SRD5A2: variants seen among roughly 807,000 people sequenced by gnomAD.
The protein encoded by SRD5A2 is 3-oxo-5-alpha-steroid 4-dehydrogenase 2.
In SRD5A2, 30 loss-of-function variants were observed where a neutral mutation model predicts 27.4. That is an observed-to-expected ratio of 1.10 (90% CI 0.82 to 1.49). The LOEUF is 1.49. Ranked by LOEUF, SRD5A2 falls within the 40% of genes most tolerant of loss-of-function variation. The pLI is 0.00. For synonymous variants in SRD5A2, 141 were observed against 133.6 expected (o/e 1.06, Z -0.38); for missense variants, 348 against 323.4 (o/e 1.08, Z -0.58).
chr2:31,595,777 C>G, the SRD5A2 span, among the ~76,000 whole-genome samples: 3 of 152,066 alleles, frequency 2.0e-5, no homozygotes, highest in African/African-American at 7.2e-5. Context: ...ACTAATATTC[C>G]TGGTGAGCAT....
chr2:31,621,691 C>G, the SRD5A2 span, among the ~76,000 whole-genome samples: 2,761 of 152,136 alleles, frequency 0.018, 42 homozygotes, highest in South Asian at 0.048. Flanking sequence ...GAGTGCAGTG[C>G]CATGATCATA....
the SRD5A2 span, among the ~76,000 whole-genome samples, chr2:31,635,015 A>G: frequency 6.6e-6 from 1 of 152,140 alleles, no homozygotes; most frequent in African/African-American, 2.4e-5. Context: ...TATCTCTTTG[A>G]TACATTGATT....
At chr2:31,621,896 G>A in the SRD5A2 span, among the ~76,000 whole-genome samples, 10 of 141,174 alleles carry the variant, frequency 7.1e-5, no homozygotes, top group East Asian at 2.5e-4. Flanking sequence ...TCCCACCCCC[G>A]CCTCCCAAAG....
chr2:31,628,133 C>T, the SRD5A2 span, among the ~76,000 whole-genome samples: 104,420 of 151,952 alleles, frequency 0.69, 36,091 homozygotes, highest in African/African-American at 0.72. Context: ...TCTAAAAATT[C>T]GCTTTATGAA....
chr2:31,656,980 C>T, the SRD5A2 span, among the ~76,000 whole-genome samples: 3 of 152,254 alleles, frequency 2.0e-5, no homozygotes, highest in Middle Eastern at 3.4e-3. Flanking sequence ...CTTCTCAAAA[C>T]CTTCAATGTC....
At chr2:31,583,629 C>A (rs73922402), upstream of SRD5A2, among the ~76,000 whole-genome samples, 730 of 14,334 alleles carry the variant, frequency 0.051, 20 homozygotes, top group African/African-American at 0.066. Context: ...AAAAAAAAAA[C>A]AAAAAAAAAG....
intron 2 of SRD5A2, 29 bp downstream of exon 2, chr2:31,533,574 G>A: frequency 6.5e-7 from 1 of 1,546,990 alleles, no homozygotes; most frequent in Non-Finnish European, 8.7e-7. Flanking sequence ...TAGCTGGGAA[G>A]TAGGTGAGAA....
chr2:31,539,066 G>C (rs949793613), intron 1 of SRD5A2, among the ~76,000 whole-genome samples: 10 of 152,162 alleles, frequency 6.6e-5, no homozygotes, highest in Non-Finnish European at 1.5e-4. Context: ...TTCCAGGGGG[G>C]TGTGAAGTGG....
chr2:31,639,649 A>T, the SRD5A2 span, among the ~76,000 whole-genome samples: 3 of 151,324 alleles, frequency 2.0e-5, no homozygotes, highest in Admixed American at 1.3e-4. Flanking sequence ...TTTTTTCTTT[A>T]AGCACCCTAA....
chr2:31,583,627 AACAAAAAAAAAGCAAAAAAAAAACC>A (rs762503999), upstream of SRD5A2, among the ~76,000 whole-genome samples: 19,784 of 59,534 alleles, frequency 0.33, 2,055 homozygotes, highest in Non-Finnish European at 0.41. Flanking sequence ...AAAAAAAAAA[AACAAAAAAAAAGCAAAAAAAAAACC>A]AAAAAAAAAG....
the SRD5A2 span, among the ~76,000 whole-genome samples, chr2:31,662,516 C>A: frequency 1.3e-5 from 2 of 152,068 alleles, no homozygotes; most frequent in East Asian, 3.9e-4. Context: ...AACAAGGTTT[C>A]ATTATGTTGT....
At chr2:31,606,219 A>G in the SRD5A2 span, among the ~76,000 whole-genome samples, 1 of 151,932 alleles carries the variant, frequency 6.6e-6, no homozygotes, top group South Asian at 2.1e-4. Context: ...AGTAAGACCT[A>G]CTAATTGATA....
chr2:31,597,021 G>A, the SRD5A2 span, among the ~76,000 whole-genome samples: 1 of 151,804 alleles, frequency 6.6e-6, no homozygotes, highest in African/African-American at 2.4e-5. Context: ...ACCAAAAAAG[G>A]GCCCACTCAA....
At chr2:31,619,181 C>T in the SRD5A2 span, among the ~76,000 whole-genome samples, 1 of 152,002 alleles carries the variant, frequency 6.6e-6, no homozygotes. Context: ...AACAAGGATA[C>T]AGGGAAATTA....
chr2:31,604,944 A>G, the SRD5A2 span, among the ~76,000 whole-genome samples: 2 of 152,066 alleles, frequency 1.3e-5, no homozygotes, highest in East Asian at 3.9e-4. Flanking sequence ...TGGTACTGCC[A>G]TAAAAAGACA....
the SRD5A2 span, among the ~76,000 whole-genome samples, chr2:31,643,752 T>C: frequency 8.3e-3 from 1,266 of 152,216 alleles, 10 homozygotes; most frequent in Non-Finnish European, 0.013. Flanking sequence ...CTGGGGAAAT[T>C]TGAGCCTCAA....
chr2:31,579,379 C>G (rs1667022619), intron 1 of SRD5A2, among the ~76,000 whole-genome samples: 3 of 152,200 alleles, frequency 2.0e-5, no homozygotes. Flanking sequence ...CATTCTTTAT[C>G]CTAATTTCTA....
the SRD5A2 span, among the ~76,000 whole-genome samples, chr2:31,637,929 T>C: frequency 6.6e-6 from 1 of 152,124 alleles, no homozygotes; most frequent in Non-Finnish European, 1.5e-5. Context: ...ATTGCATTTA[T>C]ATTTGCTCTG....
At chr2:31,621,983 C>T in the SRD5A2 span, among the ~76,000 whole-genome samples, 1 of 148,954 alleles carries the variant, frequency 6.7e-6, no homozygotes, top group Non-Finnish European at 1.5e-5. Flanking sequence ...ACTTTTAAGT[C>T]AGGAGTACAT....
Sources: allele counts gnomAD v4.1 joint callset (sites outside exome capture counted in the v4.1 genomes callset), GRCh38; gene constraint gnomAD v4.1.1; transcripts MANE v1.5; gene names NCBI Gene and HGNC (gene_info 2026-07-23, HGNC 2026-07-21).